Variants in NTM observed in about 807,000 individuals in gnomAD.
NTM encodes the protein neurotrimin, also known as IgLON family member 2.
NTM carries 13 observed loss-of-function variants against 42.1 expected under a neutral mutation model. That is an observed-to-expected ratio of 0.31 (90% CI 0.20 to 0.49). The LOEUF is 0.49. NTM is among the 20% of genes least tolerant of loss of function. The pLI is 0.99. For missense variants in NTM, 373 were observed against 452.8 expected (o/e 0.82, Z 1.60); for synonymous variants, 187 against 179.2 (o/e 1.04, Z -0.35).
intron 4 of NTM, among the ~76,000 whole-genome samples, chr11:132,277,992 C>G: frequency 6.6e-6 from 1 of 152,122 alleles, no homozygotes. Context: ...TTGGTATTAA[C>G]GAATCATCAA....
intron 2 of NTM, among the ~76,000 whole-genome samples, chr11:132,024,341 G>C (rs1040677691): frequency 6.6e-6 from 1 of 152,080 alleles, no homozygotes; most frequent in Non-Finnish European, 1.5e-5. Context: ...GAGGGGCACT[G>C]GTTCCAGGAT....
chr11:131,805,209 C>T (rs78175607), intron 1 of NTM, among the ~76,000 whole-genome samples: 1 of 152,156 alleles, frequency 6.6e-6, no homozygotes, highest in South Asian at 2.1e-4. Flanking sequence ...CAGGACCAGC[C>T]TCACCTTCCA....
rs181793753 is a variant in NTM at position 131,793,536 on chromosome 11, A to C, written c.83-118028A>C. ...TTAAAACTGAGTAGCAGAGATGTTAAACAATTTCTCAAAGCCATAGCACCT... is the reference window on the plus strand; with the variant it reads ...TTAAAACTGAGTAGCAGAGATGTTACACAATTTCTCAAAGCCATAGCACCT... On this transcript the variant is annotated intron_variant, in intron 1 of 8. Transcript: ENST00000683400. 5.3e-5 allele frequency among the ~76,000 whole-genome samples: 8 copies of C among 152,330 alleles called. No homozygotes were observed. In the East Asian group the frequency reaches 1.4e-3, roughly 26 times the overall value.
chr11:132,114,110 C>A (rs1387987384), intron 2 of NTM, among the ~76,000 whole-genome samples: 1 of 152,042 alleles, frequency 6.6e-6, no homozygotes, highest in African/African-American at 2.4e-5. Flanking sequence ...AGATTTATTT[C>A]TATTCGGATG....
At chr11:131,810,532 G>T (rs773903593) in intron 1 of NTM, among the ~76,000 whole-genome samples, 3 of 152,334 alleles carry the variant, frequency 2.0e-5, no homozygotes, top group South Asian at 2.1e-4. Context: ...GAATGAGCAC[G>T]AGCGGCAGGT....
At chr11:132,318,764 C>G (rs1402366479) in intron 7 of NTM, among the ~76,000 whole-genome samples, 1 of 152,156 alleles carries the variant, frequency 6.6e-6, no homozygotes, top group Non-Finnish European at 1.5e-5. Context: ...ATCCCCTGAC[C>G]TCCTCTCCCC....
At chr11:132,008,179 T>C (rs1484553616) in intron 2 of NTM, among the ~76,000 whole-genome samples, 1 of 152,200 alleles carries the variant, frequency 6.6e-6, no homozygotes, top group Admixed American at 6.5e-5. Flanking sequence ...CGTGGTGGAC[T>C]GTTGTCTAAG....
At chr11:132,168,595 C>A (rs1178315031) in intron 3 of NTM, among the ~76,000 whole-genome samples, 1 of 152,198 alleles carries the variant, frequency 6.6e-6, no homozygotes, top group African/African-American at 2.4e-5. Flanking sequence ...AGCCTCATCT[C>A]CTGGGCAGTG....
At chr11:132,122,984 T>C (rs893626260) in intron 2 of NTM, among the ~76,000 whole-genome samples, 7 of 152,182 alleles carry the variant, frequency 4.6e-5, no homozygotes, top group Non-Finnish European at 7.3e-5. Context: ...TTCTCCTTCC[T>C]CGCCACGTTG....
At chr11:131,937,482 G>C (rs1222887945) in intron 2 of NTM, among the ~76,000 whole-genome samples, 1 of 152,196 alleles carries the variant, frequency 6.6e-6, no homozygotes, top group East Asian at 1.9e-4. Context: ...GAGGCCTGGA[G>C]ATGCAGCGAT....
At chr11:131,600,254 C>T (rs193184926) in intron 1 of NTM, among the ~76,000 whole-genome samples, 7 of 152,234 alleles carry the variant, frequency 4.6e-5, no homozygotes, top group African/African-American at 1.7e-4. Flanking sequence ...GAAGCACATT[C>T]CTCATGCAGA....
chr11:131,701,557 G>A (rs1036725463), intron 1 of NTM, among the ~76,000 whole-genome samples: 1 of 152,208 alleles, frequency 6.6e-6, no homozygotes, highest in African/African-American at 2.4e-5. Context: ...TTCTGCCTCT[G>A]CCATCCCTAG....
At chr11:132,152,004 A>G (rs1411337967) in intron 3 of NTM, among the ~76,000 whole-genome samples, 2 of 152,210 alleles carry the variant, frequency 1.3e-5, no homozygotes, top group African/African-American at 4.8e-5. Context: ...AATCCTGAAT[A>G]ATTAGTTGAC....
At chr11:131,789,476 A>AAGT (rs2090009206) in intron 1 of NTM, among the ~76,000 whole-genome samples, 1 of 12,624 alleles carries the variant, frequency 7.9e-5, no homozygotes, top group African/African-American at 2.9e-4. Context: ...GAAGAAGAAG[A>AAGT]AGAAGAAGAA....
At chr11:131,572,929 C>T (rs2057585124) in intron 1 of NTM, among the ~76,000 whole-genome samples, 1 of 152,168 alleles carries the variant, frequency 6.6e-6, no homozygotes, top group African/African-American at 2.4e-5. Context: ...CGGACCATGT[C>T]GCCGTCACCT....
chr11:132,064,703 A>C (rs1310439192), intron 2 of NTM, among the ~76,000 whole-genome samples: 1 of 152,210 alleles, frequency 6.6e-6, no homozygotes, highest in Non-Finnish European at 1.5e-5. Context: ...AGAGAAGACT[A>C]ACTGATCTCT....
At chr11:132,157,890 T>G (rs2073533154) in intron 3 of NTM, among the ~76,000 whole-genome samples, 1 of 152,168 alleles carries the variant, frequency 6.6e-6, no homozygotes, top group African/African-American at 2.4e-5. Context: ...GTCCTCTTCC[T>G]CAATCCTGAG....
At chr11:131,610,007 G>T (rs2061342043) in intron 1 of NTM, among the ~76,000 whole-genome samples, 1 of 152,174 alleles carries the variant, frequency 6.6e-6, no homozygotes, top group African/African-American at 2.4e-5. Context: ...CATTTGCACA[G>T]TTCTGGCAAA....
chr11:132,151,853 G>A (rs1310470481), intron 3 of NTM, among the ~76,000 whole-genome samples: 1 of 152,190 alleles, frequency 6.6e-6, no homozygotes, highest in African/African-American at 2.4e-5. Context: ...AAAGGGACTA[G>A]ACTAGGGAGA....
Sources: allele counts gnomAD v4.1 joint callset (sites outside exome capture counted in the v4.1 genomes callset), GRCh38; gene constraint gnomAD v4.1.1; transcripts MANE v1.5; gene names NCBI Gene and HGNC (gene_info 2026-07-23, HGNC 2026-07-21).